The following C16orf96 variants were observed in gnomAD, a reference collection of about 807,000 sequenced individuals.
C16orf96 encodes uncharacterized protein C16orf96.
A neutral mutation model predicts 103.6 loss-of-function variants in C16orf96; 108 were observed. The ratio of observed to expected loss-of-function variants is 1.04; its 90% CI spans 0.89 to 1.22. C16orf96 has a LOEUF of 1.22. C16orf96 is among the 50% of genes most tolerant of loss of function. C16orf96 has a pLI of 0.00. For synonymous variants in C16orf96, 566 were observed against 593.5 expected (o/e 0.95, Z 0.67); for missense variants, 1,586 against 1,464.2 (o/e 1.08, Z -1.36).
chr16:4,575,570 C>T lies in C16orf96; in HGVS notation c.1090C>T (p.Pro364Ser). 1 of 1,528,346 alleles carries T rather than the reference C, an allele frequency of 6.5e-7. No individual in the cohort carries two copies. 94.7% of individuals were successfully genotyped at this position (1,528,346 alleles called of 1,614,324 possible). The part of the protein sequence containing the change: ...PGPSVTPGSL[P>S]APWPVLGPVP... Reference sequence around the variant, plus strand: ...GCCCAGTGTGACACCTGGGTCCTTGCCAGCACCTTGGCCTGTGCTTGGACC... The same window carrying T: ...GCCCAGTGTGACACCTGGGTCCTTGTCAGCACCTTGGCCTGTGCTTGGACC... The change falls in exon 5 of 16, where the codon CCA (proline) becomes TCA (serine). Residue 364 changes from proline (P) to serine (S), a missense_variant. Physicochemically the swap from Pro to Ser is moderately conservative, Grantham distance 74 (BLOSUM62 -1). Coordinates refer to ENST00000444310, the MANE Select transcript of C16orf96 (RefSeq NM_001145011.2).
In C16orf96 at chr16:4,575,014, G is replaced by T. The variant is rs1237901861; in HGVS notation, c.649G>T (p.Asp217Tyr). 2 of 1,551,394 alleles carry T rather than the reference G, an allele frequency of 1.3e-6. No individual in the cohort carries two copies. The highest frequency in any genetic ancestry group is 1.7e-6 in the Non-Finnish European group (2 of 1,147,020). The change falls in exon 4 of 16, where the codon GAC (aspartate) becomes TAC (tyrosine). Residue 217 changes from aspartate (D) to tyrosine (Y), a missense_variant. Physicochemically the swap from Asp to Tyr is radical, Grantham distance 160. Coordinates refer to ENST00000444310, the MANE Select transcript of C16orf96 (RefSeq NM_001145011.2). ...NKFKTIPKTE[D>Y]MVLWSGLHDA... Reference sequence around the variant, plus strand: ...GTTTAAAACCATCCCCAAAACCGAGGACATGGTGCTCTGGAGTGGCCTTCA... The same window carrying T: ...GTTTAAAACCATCCCCAAAACCGAGTACATGGTGCTCTGGAGTGGCCTTCA...
chr16:4,586,176 C>G (rs1457979859), intron 7 of C16orf96, among the ~76,000 whole-genome samples: 1 of 152,186 alleles, frequency 6.6e-6, no homozygotes, highest in African/African-American at 2.4e-5. Context: ...GGGAGAATCT[C>G]TTGAACCCGG....
At chr16:4,543,948 C>T in the C16orf96 span, among the ~76,000 whole-genome samples, 8 of 152,122 alleles carry the variant, frequency 5.3e-5, no homozygotes, top group African/African-American at 1.9e-4. Flanking sequence ...CGCCAGGATT[C>T]ATGTTTTAGA....
chr16:4,565,980 C>G (rs2059382021), intron 1 of C16orf96, among the ~76,000 whole-genome samples: 1 of 152,198 alleles, frequency 6.6e-6, no homozygotes, highest in African/African-American at 2.4e-5. Flanking sequence ...GTTTCTGGGA[C>G]TACAGGCGCT....
the C16orf96 span, among the ~76,000 whole-genome samples, chr16:4,541,014 A>C: frequency 6.6e-6 from 1 of 151,826 alleles, no homozygotes; most frequent in South Asian, 2.1e-4. Flanking sequence ...CCCAGGTTCA[A>C]GCAATTCTCC....
chr16:4,587,014 G>C (rs1181357574), intron 7 of C16orf96, 25 bp from the exon 8 acceptor site: 6 of 1,547,798 alleles, frequency 3.9e-6, no homozygotes, highest in Non-Finnish European at 5.2e-6. Context: ...CAGGATGGCA[G>C]ACATGCCTGT....
At chr16:4,592,221 G>A (rs1336972835) in intron 10 of C16orf96, 84 bp from the exon 11 acceptor site, 1 of 1,518,274 alleles carries the variant, frequency 6.6e-7, no homozygotes, top group Non-Finnish European at 8.9e-7. Flanking sequence ...GAGGGATGCA[G>A]CCCTGGGGCT....
At chr16:4,583,864 G>GCC (rs1462640715) in intron 7 of C16orf96, among the ~76,000 whole-genome samples, 1 of 149,246 alleles carries the variant, frequency 6.7e-6, no homozygotes. Context: ...GGCGGAGGCT[G>GCC]CAGTGAGCCA....
At chr16:4,552,914 A>G (rs140884733), upstream of C16orf96, among the ~76,000 whole-genome samples, 5 of 152,324 alleles carry the variant, frequency 3.3e-5, no homozygotes, top group South Asian at 6.2e-4. Flanking sequence ...TAATATTTCT[A>G]TCATTAATAT....
At chr16:4,552,439 G>A (rs1213255290), upstream of C16orf96, among the ~76,000 whole-genome samples, 8 of 143,298 alleles carry the variant, frequency 5.6e-5, no homozygotes, top group African/African-American at 7.8e-5. Context: ...CCGAGATCGC[G>A]CCATTGCACT....
the C16orf96 span, among the ~76,000 whole-genome samples, chr16:4,542,242 A>G: frequency 6.6e-6 from 1 of 152,098 alleles, no homozygotes; most frequent in Non-Finnish European, 1.5e-5. Flanking sequence ...GCTCATGCCC[A>G]TAGTCCCACC....
intron 14 of C16orf96, among the ~76,000 whole-genome samples, chr16:4,598,169 T>C (rs1359695891): frequency 2.0e-5 from 3 of 151,844 alleles, no homozygotes; most frequent in Non-Finnish European, 4.4e-5. Context: ...CTGGGCAACA[T>C]CGTGAAACCC....
chr16:4,586,939 C>CT, intron 7 of C16orf96, 100 bp from the exon 8 acceptor site: 1 of 1,106,020 alleles, frequency 9.0e-7, no homozygotes, highest in Non-Finnish European at 1.3e-6. Flanking sequence ...ACACGGCCTG[C>CT]TATCCCTCCC....
Position 4,576,075 on chromosome 16 carries a change from G to C in C16orf96, c.1595G>C (p.Arg532Thr). Residue 532 changes from arginine (R) to threonine (T), a missense_variant, in exon 5 of 16, where the codon AGA (arginine) becomes ACA (threonine). Transcript: ENST00000444310. The stretch of plus-strand genomic sequence containing the variant: ...CACAAGGATGATGTCCCCAAAGATA[G>C]AGGTGGCAAAGATGGGGACCCCAAG... ...RAHKDDVPKD[R>T]GGKDGDPKDR... 1 of 1,551,322 alleles carries C rather than the reference G, an allele frequency of 6.4e-7. No homozygotes were observed. Among genetic ancestry groups the C allele is most frequent in the South Asian group, 1.2e-5 (1 of 84,034 alleles).
In C16orf96 at chr16:4,596,976, C is replaced by T. The variant is rs144615609; in HGVS notation, c.3127+2173C>T. ...GGACATTTGTCTTTGGATTTGTGCC[C>T]GACCTAACCCAGGATGATCTCATCT... On this transcript the variant is annotated intron_variant, in intron 14 of 15. Transcript: ENST00000444310. Among the ~76,000 whole-genome samples the T allele has an allele frequency of 1.0e-3, 155 of 152,262 alleles. 1 individual carries two copies. Among genetic ancestry groups the T allele is most frequent in the African/African-American group, 2.6e-3 (110 of 41,540 alleles).
At chr16:4,539,395 A>G in the C16orf96 span, among the ~76,000 whole-genome samples, 1 of 152,218 alleles carries the variant, frequency 6.6e-6, no homozygotes. Flanking sequence ...TAGACATTAT[A>G]GTTTAGGGCC....
chr16:4,550,311 G>C, the C16orf96 span, among the ~76,000 whole-genome samples: 1 of 152,022 alleles, frequency 6.6e-6, no homozygotes, highest in Non-Finnish European at 1.5e-5. Flanking sequence ...TCTCTAAGTA[G>C]TGACCTCACG....
intron 7 of C16orf96, among the ~76,000 whole-genome samples, 194 bp downstream of exon 7, chr16:4,580,319 C>CT (rs371005389): frequency 2.2e-5 from 3 of 134,598 alleles, no homozygotes; most frequent in South Asian, 2.9e-4. Flanking sequence ...CACCCCCCCC[C>CT]ACCCATATAA....
At chr16:4,551,743 C>T (rs1393688143), upstream of C16orf96, among the ~76,000 whole-genome samples, 1 of 152,136 alleles carries the variant, frequency 6.6e-6, no homozygotes, top group Non-Finnish European at 1.5e-5. Context: ...TGAGCCACCG[C>T]GCCTGGCCAT....
Sources: gnomAD v4.1 joint callset for allele counts (sites outside exome capture counted in the v4.1 genomes callset) on GRCh38, gnomAD v4.1.1 for gene constraint, MANE v1.5 for transcripts, NCBI Gene and HGNC (gene_info 2026-07-23, HGNC 2026-07-21) for gene names.